The following EPHA6 variants were observed in gnomAD, a reference collection of about 807,000 sequenced individuals.
EPHA6 encodes ephrin type-A receptor 6.
EPHA6 carries 50 observed loss-of-function variants against 112.0 expected under a neutral mutation model. The observed-to-expected ratio is 0.45, with a 90% CI of 0.36 to 0.56. The LOEUF is 0.56. Among genes scored for constraint, EPHA6 ranks in the 20% least tolerant of loss-of-function variants. The probability of loss-of-function intolerance (pLI) is 0.00; values close to 1 mark genes in which losing one functional copy is unlikely to be tolerated. For synonymous variants in EPHA6, 529 were observed against 490.7 expected, an observed-to-expected ratio of 1.08 and a Z score of -1.03; for missense variants, 1,280 against 1,417.4, an observed-to-expected ratio of 0.90 and a Z score of 1.56.
intron 1 of EPHA6, among the ~76,000 whole-genome samples, chr3:96,819,868 T>C (rs1032902613): frequency 6.6e-5 from 10 of 152,062 alleles, no homozygotes; most frequent in Non-Finnish European, 1.5e-4. Context: ...ACTCATGATA[T>C]TTGGGTAAGT....
chr3:97,234,928 AT>A (rs1487832903), intron 4 of EPHA6, among the ~76,000 whole-genome samples: 6 of 152,024 alleles, frequency 3.9e-5, no homozygotes, highest in African/African-American at 1.4e-4. Flanking sequence ...CTCTGACCTT[AT>A]ATTATAGCAT....
At chr3:96,926,512 C>G (rs1048656074) in intron 2 of EPHA6, among the ~76,000 whole-genome samples, 1 of 152,300 alleles carries the variant, frequency 6.6e-6, no homozygotes, top group South Asian at 2.1e-4. Flanking sequence ...TCCAAAGTCT[C>G]ATCTGAGACA....
chr3:97,401,384 A>G (rs1165960868), intron 5 of EPHA6, among the ~76,000 whole-genome samples: 1 of 151,584 alleles, frequency 6.6e-6, no homozygotes, highest in Non-Finnish European at 1.5e-5. Flanking sequence ...CATATTTTCT[A>G]TTTCTTCACT....
At chr3:97,577,804 T>A (rs2093401317) in intron 11 of EPHA6, among the ~76,000 whole-genome samples, 3 of 152,178 alleles carry the variant, frequency 2.0e-5, no homozygotes, top group Admixed American at 2.0e-4. Flanking sequence ...TTTTTGTTTT[T>A]GTTTTTGTTT....
chr3:97,193,100 C>T (rs919015170), intron 3 of EPHA6, among the ~76,000 whole-genome samples: 4 of 152,060 alleles, frequency 2.6e-5, no homozygotes, highest in African/African-American at 9.7e-5. Context: ...TCTTTTTGCT[C>T]AGGATAGCTC....
chr3:97,515,100 G>A (rs1027862088), intron 10 of EPHA6, among the ~76,000 whole-genome samples: 1 of 152,330 alleles, frequency 6.6e-6, no homozygotes, highest in Middle Eastern at 3.4e-3. Context: ...GGTGATGAAA[G>A]ACATTAACCT....
chr3:97,359,789 A>C (rs79479198), intron 5 of EPHA6, among the ~76,000 whole-genome samples: 2,309 of 151,952 alleles, frequency 0.015, 54 homozygotes, highest in African/African-American at 0.05. Context: ...TTATTGCTAT[A>C]GGCCTTCTCT....
At chr3:97,189,495 C>A (rs1025145658) in intron 3 of EPHA6, among the ~76,000 whole-genome samples, 1 of 152,028 alleles carries the variant, frequency 6.6e-6, no homozygotes, top group South Asian at 2.1e-4. Context: ...AATTTTAATA[C>A]TTTAAAAATG....
chr3:97,095,916 G>A (rs2047222387), intron 3 of EPHA6, among the ~76,000 whole-genome samples: 1 of 151,902 alleles, frequency 6.6e-6, no homozygotes, highest in African/African-American at 2.4e-5. Context: ...ATTATACTTT[G>A]AAAACCTCTG....
chr3:97,458,012 G>T (rs994749783), intron 7 of EPHA6, among the ~76,000 whole-genome samples: 1 of 135,714 alleles, frequency 7.4e-6, no homozygotes, highest in African/African-American at 2.7e-5. Context: ...AGCTTGCAGT[G>T]AGCCGAGATC....
At chr3:97,512,138 C>G (rs370927674) in intron 10 of EPHA6, among the ~76,000 whole-genome samples, 2 of 152,078 alleles carry the variant, frequency 1.3e-5, no homozygotes, top group Non-Finnish European at 2.9e-5. Context: ...GCTTTAACAT[C>G]AAAACAAACT....
At chr3:96,880,756 T>C (rs905356407) in intron 2 of EPHA6, among the ~76,000 whole-genome samples, 2 of 152,192 alleles carry the variant, frequency 1.3e-5, no homozygotes, top group Non-Finnish European at 2.9e-5. Flanking sequence ...ACCTATTCTG[T>C]GTATTTCATA....
At chr3:97,247,493 A>G (rs1217807056) in intron 5 of EPHA6, among the ~76,000 whole-genome samples, 1 of 151,892 alleles carries the variant, frequency 6.6e-6, no homozygotes, top group East Asian at 1.9e-4. Flanking sequence ...GGGCCATCTT[A>G]CCAAGGAAGC....
rs1323690016 is a variant in EPHA6 at position 97,014,752 on chromosome 3, G to T, written c.1114+26759G>T. Among the ~76,000 whole-genome samples the T allele has an allele frequency of 4.6e-5, 7 of 152,254 alleles. No homozygotes were observed. In the East Asian group the frequency reaches 1.4e-3, roughly 29 times the overall value. ...CTTTAAATGAATATTACTTCAAAGG[G>T]ATGATGATCAAAGTATTTAAGAATT... On this transcript the variant is annotated intron_variant, in intron 3 of 17. Coordinates refer to ENST00000389672, the MANE Select transcript of EPHA6 (RefSeq NM_001080448.3).
chr3:97,149,610 C>T (rs1317266374), intron 3 of EPHA6, among the ~76,000 whole-genome samples: 1 of 151,532 alleles, frequency 6.6e-6, no homozygotes. Flanking sequence ...TAGGGCTATG[C>T]AATAGTAATA....
chr3:97,276,958 G>A (rs2080105605), intron 5 of EPHA6, among the ~76,000 whole-genome samples: 2 of 152,130 alleles, frequency 1.3e-5, no homozygotes, highest in Admixed American at 1.3e-4. Flanking sequence ...GTGTGAGGAG[G>A]GGCGGTGATA....
chr3:97,470,291 T>C (rs942960941), intron 7 of EPHA6, among the ~76,000 whole-genome samples: 1 of 151,782 alleles, frequency 6.6e-6, no homozygotes, highest in Non-Finnish European at 1.5e-5. Flanking sequence ...TGTTGAGATT[T>C]GTGCTATGTT....
chr3:97,658,692 G>A (rs1371491393), intron 14 of EPHA6, among the ~76,000 whole-genome samples: 3 of 151,872 alleles, frequency 2.0e-5, no homozygotes, highest in African/African-American at 4.8e-5. Context: ...CCCCTTGTTC[G>A]AAGGTGAAAT....
intron 3 of EPHA6, among the ~76,000 whole-genome samples, chr3:97,013,651 T>C (rs1252074688): frequency 6.6e-6 from 1 of 152,186 alleles, no homozygotes; most frequent in Admixed American, 6.5e-5. Flanking sequence ...ATATACACTT[T>C]GTATACTTAG....
Sources: allele counts gnomAD v4.1 joint callset (sites outside exome capture counted in the v4.1 genomes callset), GRCh38; gene constraint gnomAD v4.1.1; transcripts MANE v1.5; gene names NCBI Gene and HGNC (gene_info 2026-07-23, HGNC 2026-07-21).